Variants in GALC observed in about 807,000 individuals in gnomAD.
GALC encodes the protein galactosylceramidase, also known as galactocerebrosidase.
Under a neutral mutation model 91.8 loss-of-function variants are expected in GALC, and 77 were observed. That is an observed-to-expected ratio of 0.84 (90% confidence interval 0.70 to 1.01). The LOEUF is 1.01. Among genes scored for constraint, GALC ranks in the 50% least tolerant of loss-of-function variants. The probability of loss-of-function intolerance (pLI) is 0.00; values close to 1 mark genes in which losing one functional copy is unlikely to be tolerated. For missense variants in GALC, 882 were observed against 855.9 expected (o/e 1.03, Z -0.38); for synonymous variants, 357 against 306.7 (o/e 1.16, Z -1.71).
chr14:87,937,204 T>C (rs1287226108), intron 16 of GALC, among the ~76,000 whole-genome samples: 1 of 151,848 alleles, frequency 6.6e-6, no homozygotes, highest in Non-Finnish European at 1.5e-5. Context: ...AAAGAAGATT[T>C]ATATGTCAAA....
intron 1 of GALC, chr14:87,992,632 G>A: frequency 2.1e-6 from 3 of 1,448,722 alleles, no homozygotes; most frequent in Non-Finnish European, 1.8e-6. Context: ...TCTCCGCGAT[G>A]AAGACAGCCT....
Position 87,934,640 on chromosome 14 carries a change from T to A in GALC, c.*92A>T. 6.2e-7 allele frequency: 1 copy of A among 1,604,662 alleles called. No homozygotes were observed. Among genetic ancestry groups the A allele is most frequent in the Non-Finnish European group, 8.5e-7 (1 of 1,176,530 alleles). On this transcript the variant is annotated 3_prime_UTR_variant, in exon 17 of 17. Transcript: ENST00000261304. ...ATTATTTTTAGTCTCAAAAGCCTCA[T>A]ATACTGTTCCAATGAAACAAGAATT...
intron 10 of GALC, among the ~76,000 whole-genome samples, chr14:87,956,538 C>T (rs959493781): frequency 4.0e-5 from 6 of 151,000 alleles, no homozygotes; most frequent in Non-Finnish European, 8.8e-5. Context: ...TATATACATA[C>T]ACCATATATA....
At chr14:87,984,290 T>C in intron 5 of GALC, 104 bp downstream of exon 5, 1 of 1,130,028 alleles carries the variant, frequency 8.8e-7, no homozygotes, top group Non-Finnish European at 1.3e-6. Flanking sequence ...CAAATTAGCC[T>C]CATGGCATAA....
At position 87,934,262 on chromosome 14, in the gene GALC, T is replaced by G. The variant is rs1280930587; in HGVS notation, c.*470A>C. 1 of 1,332,390 alleles carries G rather than the reference T, an allele frequency of 7.5e-7. No homozygotes were observed. The highest frequency in any genetic ancestry group is 9.6e-7 in the Non-Finnish European group (1 of 1,039,614). The allele number at this position is 1,332,390 out of a possible 1,614,324, so 82.5% of individuals were successfully genotyped here. ...CAGGTTGAAGTGGTTTTCAAAAAGC[T>G]ACTTCTAGTGTTCTTCAGCTTTCTA... On this transcript the variant is annotated 3_prime_UTR_variant, in exon 17 of 17. Transcript: ENST00000261304.
At chr14:87,985,622 T>C (rs1886936043) in intron 4 of GALC, among the ~76,000 whole-genome samples, 2 of 152,240 alleles carry the variant, frequency 1.3e-5, no homozygotes, top group South Asian at 2.1e-4. Context: ...TTAGAAAATA[T>C]TACTTTTCAT....
chr14:87,956,583 A>G (rs1471454659), intron 10 of GALC, among the ~76,000 whole-genome samples: 1 of 119,522 alleles, frequency 8.4e-6, no homozygotes, highest in Non-Finnish European at 1.8e-5. Context: ...ATACACACAC[A>G]CCATATATAT....
chr14:87,968,146 T>C (rs1471137845), intron 8 of GALC, among the ~76,000 whole-genome samples, 189 bp downstream of exon 8: 2 of 152,168 alleles, frequency 1.3e-5, no homozygotes, highest in African/African-American at 4.8e-5. Flanking sequence ...TTATTTAATA[T>C]AGACTATATT....
intron 9 of GALC, among the ~76,000 whole-genome samples, chr14:87,963,943 T>G (rs1244664242): frequency 1.3e-5 from 2 of 152,124 alleles, no homozygotes; most frequent in Non-Finnish European, 2.9e-5. Context: ...GGTCACCTCC[T>G]AAGCTCGTCC....
chr14:87,942,269 A>G (rs1884895370), intron 14 of GALC, among the ~76,000 whole-genome samples: 1 of 152,010 alleles, frequency 6.6e-6, no homozygotes, highest in South Asian at 2.1e-4. Flanking sequence ...CTGCTCGTCC[A>G]GGAATGCCAC....
Position 87,965,555 on chromosome 14 carries a change from T to C in GALC, c.983A>G (p.Gln328Arg), listed in dbSNP as rs1886002484. The C allele has an allele frequency of 1.9e-6, 3 of 1,613,488 alleles. No individual in the cohort carries two copies. The highest frequency in any genetic ancestry group is 2.7e-5 in the African/African-American group (2 of 74,894). The change falls in exon 9 of 17, where the codon CAG becomes CGG. Residue 328 changes from glutamine to arginine, a missense_variant. By Grantham distance (43) the Gln-to-Arg change is conservative. Coordinates refer to ENST00000261304, the MANE Select transcript of GALC (RefSeq NM_000153.4). ...PYGRCGLMTAQEPWSGHYVVE... is the reference protein window; with the variant it reads ...PYGRCGLMTAREPWSGHYVVE... Reference sequence around the variant, plus strand: ...CACGTAGTGCCCACTCCATGGCTCCTGGGCCGTCATCAACCCGCATCTCCC... The same window carrying C: ...CACGTAGTGCCCACTCCATGGCTCCCGGGCCGTCATCAACCCGCATCTCCC...
At chr14:87,944,820 G>A (rs938102460) in intron 14 of GALC, among the ~76,000 whole-genome samples, 1 of 151,846 alleles carries the variant, frequency 6.6e-6, no homozygotes, top group Admixed American at 6.6e-5. Context: ...TCCAAGCTTC[G>A]GATATGGCTT....
intron 3 of GALC, 85 bp from the exon 4 acceptor site, chr14:87,986,687 C>G (rs1886990440): frequency 1.3e-6 from 1 of 760,604 alleles, no homozygotes; most frequent in Admixed American, 2.0e-5. Flanking sequence ...CCACCCCAGA[C>G]ACACACTTCA....
chr14:87,939,981 G>A lies in GALC; in HGVS notation c.1835C>T (p.Ala612Val), dbSNP rs1468731789. The change falls in exon 16 of 17, where the codon GCT becomes GTT. Residue 612 changes from alanine to valine, a missense_variant and splice_region_variant. By Grantham distance (64) the Ala-to-Val change is moderately conservative. Coordinates refer to ENST00000261304, the MANE Select transcript of GALC (RefSeq NM_000153.4). The part of the protein sequence containing the change: ...NGSYRVTGDL[A>V]GWIIYALGRV... ...TCCTAAAGCATATATAATCCATCCA[G>A]CTGTAACACAAAAATATTATCCCAA... 3 of 1,605,950 alleles carry A rather than the reference G, an allele frequency of 1.9e-6. No individual in the cohort carries two copies. The highest frequency in any genetic ancestry group is 1.7e-4 in the Middle Eastern group (1 of 6,054).
chr14:87,992,564 G>A (rs1003449986), intron 1 of GALC: 13 of 1,496,808 alleles, frequency 8.7e-6, no homozygotes, highest in Non-Finnish European at 1.2e-5. Flanking sequence ...GTTCTCTTTC[G>A]CACACGGACG....
intron 10 of GALC, chr14:87,952,880 G>C: frequency 9.7e-7 from 1 of 1,030,292 alleles, no homozygotes; most frequent in Non-Finnish European, 1.5e-6. Context: ...GCATAGTTCT[G>C]CATTTAACTG....
Position 87,941,352 on chromosome 14 carries a change from GC to G in GALC, c.1834+42del, listed in dbSNP as rs771256299. The G allele has an allele frequency of 1.3e-5, 16 of 1,204,584 alleles. 1 individual carries two copies. The South Asian group carries it at 2.0e-4, about 15-fold the overall frequency. 74.6% of individuals were successfully genotyped at this position (1,204,584 alleles called of 1,614,324 possible). On this transcript the variant is annotated intron_variant, in intron 15 of 16. Coordinates refer to ENST00000261304, the MANE Select transcript of GALC (RefSeq NM_000153.4). ...ACAAGTAGGTGCTCAAAGTAACATA[GC>G]CCATAAGTCATATGCTATTAAAAAA...
rs200644064 is a variant in GALC at position 87,950,604 on chromosome 14, A to C, written c.1251+55T>G. ...CACTTAAGAACTACTGGCCTGTGACAGAATATATAAATTCTTAAATCAAAA... is the reference window on the plus strand; with the variant it reads ...CACTTAAGAACTACTGGCCTGTGACCGAATATATAAATTCTTAAATCAAAA... On this transcript the variant is annotated intron_variant, in intron 11 of 16. Transcript: ENST00000261304. 1.4e-5 allele frequency: 16 copies of C among 1,120,588 alleles called. No homozygotes were observed. The East Asian group carries it at 4.1e-4, about 28-fold the overall frequency. 69.4% of individuals were successfully genotyped at this position (1,120,588 alleles called of 1,614,324 possible).
intron 6 of GALC, 83 bp downstream of exon 6, chr14:87,982,122 T>A (rs1268315265): frequency 5.5e-6 from 4 of 732,634 alleles, no homozygotes; most frequent in Non-Finnish European, 9.3e-6. Flanking sequence ...CAACACAAAT[T>A]TCCTACTATT....
Sources: gnomAD v4.1 joint callset for allele counts (sites outside exome capture counted in the v4.1 genomes callset) on GRCh38, gnomAD v4.1.1 for gene constraint, MANE v1.5 for transcripts, NCBI Gene and HGNC (gene_info 2026-07-23, HGNC 2026-07-21) for gene names.